Variants in SKAP2 observed in about 807,000 individuals in gnomAD.
The protein encoded by SKAP2 is src kinase-associated phosphoprotein 2.
SKAP2 carries 28 observed loss-of-function variants against 54.9 expected under a neutral mutation model. The ratio of observed to expected loss-of-function variants is 0.51; its 90% CI spans 0.38 to 0.70. The LOEUF (loss-of-function observed/expected upper bound fraction) is 0.70. Ranked by LOEUF, SKAP2 falls within the 30% of genes least tolerant of loss-of-function variation. The pLI, the probability that SKAP2 is intolerant of heterozygous loss-of-function variation, is 0.00. For synonymous variants in SKAP2, 137 were observed against 134.3 expected (o/e 1.02, Z -0.14); for missense variants, 356 against 424.1 (o/e 0.84, Z 1.41).
chr7:26,806,998 T>C (rs1784042465), intron 4 of SKAP2, among the ~76,000 whole-genome samples: 2 of 152,162 alleles, frequency 1.3e-5, no homozygotes, highest in African/African-American at 4.8e-5. Context: ...GCAGATATGA[T>C]GGAAATAGCA....
chr7:26,684,908 A>G, intron 10 of SKAP2, 60 bp from the exon 11 acceptor site: 1 of 954,904 alleles, frequency 1.0e-6, no homozygotes, highest in South Asian at 1.4e-5. Context: ...CCTCATTTCA[A>G]AATTAACCAG....
At chr7:26,725,837 A>G in intron 8 of SKAP2, 86 bp downstream of exon 8, 1 of 1,093,932 alleles carries the variant, frequency 9.1e-7, no homozygotes, top group Admixed American at 2.0e-5. Flanking sequence ...CACAGAAGTC[A>G]ATAAGCTTTT....
intron 9 of SKAP2, among the ~76,000 whole-genome samples, chr7:26,694,337 C>A (rs914188964): frequency 6.6e-6 from 1 of 152,104 alleles, no homozygotes; most frequent in African/African-American, 2.4e-5. Context: ...AATCATATTG[C>A]AAACCTGGAA....
At chr7:26,859,722 C>A (rs1785242148) in intron 1 of SKAP2, among the ~76,000 whole-genome samples, 1 of 152,144 alleles carries the variant, frequency 6.6e-6, no homozygotes, top group African/African-American at 2.4e-5. Flanking sequence ...TAATCAAAAT[C>A]TTTTTACTAC....
intron 4 of SKAP2, among the ~76,000 whole-genome samples, chr7:26,826,521 T>C (rs531161595): frequency 6.6e-6 from 1 of 152,290 alleles, no homozygotes; most frequent in East Asian, 1.9e-4. Flanking sequence ...TTCTGACCAA[T>C]ATATCCCTTT....
intron 4 of SKAP2, among the ~76,000 whole-genome samples, chr7:26,774,521 G>GTATA (rs879746688): frequency 6.7e-6 from 1 of 148,790 alleles, no homozygotes; most frequent in Non-Finnish European, 1.5e-5. Flanking sequence ...GTGTGTGTAT[G>GTATA]TATATATATA....
intron 9 of SKAP2, among the ~76,000 whole-genome samples, chr7:26,723,329 G>A (rs1195565724): frequency 2.0e-5 from 3 of 152,096 alleles, no homozygotes; most frequent in Admixed American, 2.0e-4. Flanking sequence ...AGTTACATTG[G>A]GGAAGAAGGG....
chr7:26,778,280 C>T (rs552574504), intron 4 of SKAP2, among the ~76,000 whole-genome samples: 1 of 152,176 alleles, frequency 6.6e-6, no homozygotes, highest in East Asian at 1.9e-4. Context: ...GGAAATACGA[C>T]ATTTAATCTC....
chr7:26,825,715 A>G (rs759614235), intron 4 of SKAP2, among the ~76,000 whole-genome samples: 25 of 152,144 alleles, frequency 1.6e-4, no homozygotes, highest in Non-Finnish European at 2.8e-4. Context: ...CAGTTTTAAC[A>G]TTTATTTTTG....
chr7:26,856,900 G>A (rs1369831802), intron 1 of SKAP2, among the ~76,000 whole-genome samples: 1 of 150,944 alleles, frequency 6.6e-6, no homozygotes, highest in Non-Finnish European at 1.5e-5. Context: ...TTCTATCACT[G>A]GAAGTAATAA....
At chr7:26,687,557 A>G (rs1437265304) in intron 10 of SKAP2, among the ~76,000 whole-genome samples, 3 of 152,082 alleles carry the variant, frequency 2.0e-5, no homozygotes, top group Non-Finnish European at 2.9e-5. Context: ...CCCTGGCAGT[A>G]TATGTTTATT....
intron 9 of SKAP2, among the ~76,000 whole-genome samples, chr7:26,709,041 T>C (rs182327739): frequency 4.1e-4 from 63 of 152,324 alleles, no homozygotes; most frequent in African/African-American, 1.4e-4. Flanking sequence ...TCTTAGAAAG[T>C]ATAAAATAAA....
At chr7:26,683,119 C>T (rs1475021366) in intron 11 of SKAP2, among the ~76,000 whole-genome samples, 2 of 152,142 alleles carry the variant, frequency 1.3e-5, no homozygotes, top group African/African-American at 2.4e-5. Context: ...ATCTAATCAA[C>T]GTTTTAGTTT....
intron 9 of SKAP2, among the ~76,000 whole-genome samples, chr7:26,691,208 A>C (rs1344308332): frequency 3.3e-5 from 5 of 152,212 alleles, no homozygotes; most frequent in Non-Finnish European, 7.3e-5. Flanking sequence ...ACACTCACCT[A>C]TACCATTCCT....
intron 9 of SKAP2, among the ~76,000 whole-genome samples, chr7:26,707,415 G>C (rs1288768055): frequency 1.3e-5 from 2 of 151,924 alleles, no homozygotes; most frequent in Non-Finnish European, 2.9e-5. Context: ...TAGTACATAG[G>C]AGACAGGATA....
chr7:26,819,310 C>A (rs1162625631), intron 4 of SKAP2, among the ~76,000 whole-genome samples: 1 of 152,032 alleles, frequency 6.6e-6, no homozygotes, highest in African/African-American at 2.4e-5. Flanking sequence ...TCTCAGCAAA[C>A]AGAGGAACAG....
At chr7:26,725,884 T>G (rs758611644) in intron 8 of SKAP2, 39 bp downstream of exon 8, 20 of 1,514,590 alleles carry the variant, frequency 1.3e-5, no homozygotes, top group Non-Finnish European at 1.1e-5. Flanking sequence ...TATTTAGTAT[T>G]TAAAGACTGT....
At chr7:26,707,337 G>A (rs991104491) in intron 9 of SKAP2, among the ~76,000 whole-genome samples, 2 of 151,744 alleles carry the variant, frequency 1.3e-5, no homozygotes, top group East Asian at 1.9e-4. Flanking sequence ...TCCAGCCTGG[G>A]TGACAGAGTG....
intron 4 of SKAP2, among the ~76,000 whole-genome samples, chr7:26,747,964 T>G (rs1782592919): frequency 6.6e-6 from 1 of 152,182 alleles, no homozygotes; most frequent in Non-Finnish European, 1.5e-5. Flanking sequence ...TTCACCAACA[T>G]CCATTAAAAT....
Sources: allele counts gnomAD v4.1 joint callset (sites outside exome capture counted in the v4.1 genomes callset), GRCh38; gene constraint gnomAD v4.1.1; transcripts MANE v1.5; gene names NCBI Gene and HGNC (gene_info 2026-07-23, HGNC 2026-07-21).